The following SCAF4 variants were observed in gnomAD, a reference collection of about 807,000 sequenced individuals.
SCAF4 encodes SR-related CTD associated factor 4.
In SCAF4, 25 loss-of-function variants were observed where a neutral mutation model predicts 129.8. The observed-to-expected ratio is 0.19, with a 90% CI of 0.14 to 0.27. SCAF4 has a LOEUF of 0.27. SCAF4 is among the 10% of genes least tolerant of loss of function. The probability of loss-of-function intolerance (pLI) is 1.00; values close to 1 mark genes in which losing one functional copy is unlikely to be tolerated. For synonymous variants in SCAF4, 551 were observed against 497.7 expected (o/e 1.11, Z -1.43); for missense variants, 1,246 against 1,457.1 (o/e 0.86, Z 2.36).
intron 1 of SCAF4, among the ~76,000 whole-genome samples, chr21:31,727,662 T>C (rs2051240026): frequency 6.6e-6 from 1 of 151,918 alleles, no homozygotes; most frequent in Non-Finnish European, 1.5e-5. Context: ...AGTGGTGGTG[T>C]GCTCCTGTAG....
intron 4 of SCAF4, 32 bp downstream of exon 4, chr21:31,703,733 A>C (rs781204273): frequency 4.3e-5 from 50 of 1,157,756 alleles, no homozygotes; most frequent in Non-Finnish European, 5.9e-5. Flanking sequence ...TTTTTTAAAG[A>C]ATACAAGTTT....
intron 2 of SCAF4, among the ~76,000 whole-genome samples, chr21:31,705,772 T>C (rs2050643970): frequency 6.6e-6 from 1 of 152,184 alleles, no homozygotes; most frequent in South Asian, 2.1e-4. Context: ...AGCTAAACAA[T>C]GTAGTTTCTA....
At chr21:31,722,546 A>C (rs1454913380) in intron 1 of SCAF4, among the ~76,000 whole-genome samples, 2 of 152,234 alleles carry the variant, frequency 1.3e-5, no homozygotes, top group Admixed American at 6.5e-5. Flanking sequence ...AGTACAAGGA[A>C]GCTGTACTTC....
intron 19 of SCAF4, among the ~76,000 whole-genome samples, chr21:31,683,241 T>C (rs1024660783): frequency 6.6e-6 from 1 of 152,192 alleles, no homozygotes; most frequent in Non-Finnish European, 1.5e-5. Flanking sequence ...AAGATGGACA[T>C]GCAAACAGTA....
chr21:31,692,834 C>A (rs778604731), intron 12 of SCAF4, among the ~76,000 whole-genome samples: 1 of 152,218 alleles, frequency 6.6e-6, no homozygotes, highest in Non-Finnish European at 1.5e-5. Flanking sequence ...TTGCATGTAA[C>A]TGTCCTTTCT....
chr21:31,700,749 T>G (rs1277742873), intron 7 of SCAF4: 1 of 413,682 alleles, frequency 2.4e-6, no homozygotes, highest in African/African-American at 2.1e-5. Flanking sequence ...TTCTTTTTTT[T>G]TTTTTTTTCA....
chr21:31,731,634 G>T, intron 1 of SCAF4, 29 bp downstream of exon 1: 1 of 1,586,854 alleles, frequency 6.3e-7, no homozygotes. Flanking sequence ...CAGCAGGCCC[G>T]GCACCCCCCT....
rs762115724 is a variant in SCAF4, at chr21:31,701,047, G to A, written c.725C>T (p.Ser242Phe). 9.3e-6 allele frequency: 15 copies of A among 1,614,100 alleles called. No homozygotes were observed. Among genetic ancestry groups the A allele is most frequent in the African/African-American group, 1.3e-5 (1 of 75,026 alleles). ...TGGGGGGAAAGCAGCTTTTTGTTCAGATGGTTGTGTAGGAGTTGTCTTTAA... is the reference window on the plus strand; with the variant it reads ...TGGGGGGAAAGCAGCTTTTTGTTCAAATGGTTGTGTAGGAGTTGTCTTTAA... ...AQLKTTPTQP[S>F]EQKAAFPPPE... Residue 242 changes from serine (S) to phenylalanine (F), a missense_variant, in exon 7 of 20, where the codon TCT becomes TTT. Ser to Phe is a radical substitution (Grantham distance 155). Around this residue, in one of 6 missense-constraint regions of SCAF4, gnomAD observed 143 missense variants for 161.0 expected, o/e 0.89. Transcript: ENST00000286835.
intron 1 of SCAF4, among the ~76,000 whole-genome samples, chr21:31,709,341 T>C (rs2050742785): frequency 7.5e-6 from 1 of 133,724 alleles, no homozygotes; most frequent in Non-Finnish European, 1.6e-5. Flanking sequence ...TTACTGGTAC[T>C]GAAACTGTCA....
rs73353421 is a variant in SCAF4 at position 31,712,904 on chromosome 21, T to G, written c.31-6547A>C. The G allele has an allele frequency of 5.3e-3, 5,119 of 964,952 alleles. 176 individuals carry two copies. The African/African-American group carries it at 0.081, about 15-fold the overall frequency. The allele number at this position is 964,952 out of a possible 1,614,324, so 59.8% of individuals were successfully genotyped here. A position where few individuals can be genotyped will look rare whatever the true frequency, so the allele number is the denominator to read the frequency against. On this transcript the variant is annotated intron_variant, in intron 1 of 19. Transcript: ENST00000286835. Reference sequence around the variant, plus strand: ...GTTAATAGCATGAAATGAAAGCATCTAAAATAATCAGTGCTTAATAAATGT... The same window carrying G: ...GTTAATAGCATGAAATGAAAGCATCGAAAATAATCAGTGCTTAATAAATGT...
chr21:31,674,500 T>C (rs1005535176), intron 19 of SCAF4, among the ~76,000 whole-genome samples: 2 of 152,214 alleles, frequency 1.3e-5, no homozygotes, highest in African/African-American at 2.4e-5. Context: ...AATATGCCCA[T>C]AGCCCCAGAT....
chr21:31,673,547 A>C (rs1228669341), intron 19 of SCAF4, among the ~76,000 whole-genome samples: 2 of 139,400 alleles, frequency 1.4e-5, no homozygotes, highest in African/African-American at 5.8e-5. Context: ...GTCCCTTCAC[A>C]GGCTCTTCAG....
At chr21:31,676,758 T>C (rs185379591) in intron 19 of SCAF4, among the ~76,000 whole-genome samples, 3 of 152,208 alleles carry the variant, frequency 2.0e-5, no homozygotes, top group Admixed American at 1.3e-4. Flanking sequence ...GGTTTTAGTA[T>C]ATTCACAGAA....
At chr21:31,676,960 CTG>C (rs2049872617) in intron 19 of SCAF4, among the ~76,000 whole-genome samples, 1 of 152,084 alleles carries the variant, frequency 6.6e-6, no homozygotes, top group South Asian at 2.1e-4. Context: ...ATATGTGGTC[CTG>C]TGTGACTGAC....
intron 1 of SCAF4, among the ~76,000 whole-genome samples, chr21:31,728,914 T>C (rs550668039): frequency 6.6e-6 from 1 of 152,242 alleles, no homozygotes; most frequent in East Asian, 1.9e-4. Flanking sequence ...GTATCACCAC[T>C]CTCTCAGCCC....
chr21:31,686,036 G>A (rs1474418233), intron 16 of SCAF4, among the ~76,000 whole-genome samples: 1 of 151,416 alleles, frequency 6.6e-6, no homozygotes, highest in Non-Finnish European at 1.5e-5. Context: ...AACCCTGTCT[G>A]TACTAAAAAT....
At chr21:31,719,217 G>A (rs999903602) in intron 1 of SCAF4, among the ~76,000 whole-genome samples, 1 of 152,028 alleles carries the variant, frequency 6.6e-6, no homozygotes, top group African/African-American at 2.4e-5. Flanking sequence ...TTGAACCCTA[G>A]AGGTGGAGAT....
rs775204987 is a variant in SCAF4, at chr21:31,706,261, A to G, written c.114+13T>C. 16 of 1,504,326 alleles carry G rather than the reference A, an allele frequency of 1.1e-5. No individual in the cohort carries two copies. The East Asian group carries it at 2.9e-4, about 28-fold the overall frequency. The allele number at this position is 1,504,326 out of a possible 1,614,324, so 93.2% of individuals were successfully genotyped here. On this transcript the variant is annotated intron_variant, in intron 2 of 19. Transcript: ENST00000286835. The stretch of plus-strand genomic sequence containing the variant: ...TCAAAAAGATTTCTCAAATTGCTTT[A>G]TTTTATCATTACCTTAATAGCTTTA...
chr21:31,674,139 G>A (rs2049788333), intron 19 of SCAF4, among the ~76,000 whole-genome samples: 1 of 152,144 alleles, frequency 6.6e-6, no homozygotes, highest in African/African-American at 2.4e-5. Flanking sequence ...GTGGCCAAAG[G>A]ATGCAAAGCC....
Sources: gnomAD v4.1 joint callset for allele counts (sites outside exome capture counted in the v4.1 genomes callset) on GRCh38, gnomAD v4.1.1 for gene constraint, gnomAD v4.1.1 regional missense constraint, MANE v1.5 for transcripts, NCBI Gene and HGNC (gene_info 2026-07-23, HGNC 2026-07-21) for gene names.